The following IL1RAPL1 variants were observed in gnomAD, a reference collection of about 807,000 sequenced individuals.
The protein encoded by IL1RAPL1 is interleukin 1 receptor accessory protein like 1, also known as interleukin-1 receptor accessory protein-like 1.
IL1RAPL1 carries 3 observed loss-of-function variants against 48.4 expected under a neutral mutation model. That is an observed-to-expected ratio of 0.06 (90% CI 0.03 to 0.16). The LOEUF is 0.16. Among genes scored for constraint, IL1RAPL1 ranks in the 10% least tolerant of loss-of-function variants. The probability of loss-of-function intolerance (pLI) is 1.00; values close to 1 mark genes in which losing one functional copy is unlikely to be tolerated. For missense variants in IL1RAPL1, 349 were observed against 530.6 expected, an observed-to-expected ratio of 0.66 and a Z score of 3.36; for synonymous variants, 185 against 187.7, an observed-to-expected ratio of 0.99 and a Z score of 0.12.
chrX:29,088,357 G>A (rs760995908), intron 2 of IL1RAPL1, among the ~76,000 whole-genome samples: 11 of 111,642 alleles, frequency 9.9e-5, no homozygotes, highest in African/African-American at 3.2e-4. Context: ...TGACATTTAA[G>A]TGGTTCTTGT....
At chrX:28,658,550 A>G (rs906131511) in intron 1 of IL1RAPL1, among the ~76,000 whole-genome samples, 1 of 103,483 alleles carries the variant, frequency 9.7e-6, no homozygotes, top group African/African-American at 3.6e-5. Context: ...TTTTTTTTTT[A>G]GTTTAATGTA....
intron 1 of IL1RAPL1, among the ~76,000 whole-genome samples, chrX:28,752,447 G>A (rs767761447): frequency 8.9e-6 from 1 of 112,155 alleles, no homozygotes; most frequent in Admixed American, 9.5e-5. Context: ...TTCAGGTGAC[G>A]ATGCCACTAG....
In IL1RAPL1 at chrX:29,562,091, G is replaced by GTCTA. The variant is rs769814349; in HGVS notation, c.704-106318_704-106315dup. Among the ~76,000 whole-genome samples the GTCTA allele has an allele frequency of 3.8e-4, 33 of 86,358 alleles. 1 individual carries two copies. Among genetic ancestry groups the GTCTA allele is most frequent in the Middle Eastern group, 0.012 (2 of 162 alleles). The allele number at this position is 86,358 out of a possible 115,157, so 75.0% of individuals were successfully genotyped here. A position where few individuals can be genotyped will look rare whatever the true frequency, so the allele number is the denominator to read the frequency against. On this transcript the variant is annotated intron_variant, in intron 5 of 10. Coordinates refer to ENST00000378993, the MANE Select transcript of IL1RAPL1 (RefSeq NM_014271.4). Reference sequence around the variant, plus strand: ...ATCTATCTATCTATCTAATCTATCTGTCTATCTATCTATCTATCTATCTAA... The same window carrying GTCTA: ...ATCTATCTATCTATCTAATCTATCTGTCTATCTATCTATCTATCTATCTATCTAA...
chrX:28,818,463 T>G (rs1049743408), intron 2 of IL1RAPL1, among the ~76,000 whole-genome samples: 1 of 110,859 alleles, frequency 9.0e-6, no homozygotes, highest in Non-Finnish European at 1.9e-5. Flanking sequence ...AACATCTCTG[T>G]AAAATAGTTT....
chrX:29,091,502 GT>G (rs1928091019), intron 2 of IL1RAPL1, among the ~76,000 whole-genome samples: 1 of 111,848 alleles, frequency 8.9e-6, no homozygotes, highest in Non-Finnish European at 1.9e-5. Context: ...GCAATCCAGA[GT>G]TTGATAGAGA....
chrX:29,679,172 C>T (rs781178662), intron 6 of IL1RAPL1, among the ~76,000 whole-genome samples: 4 of 111,718 alleles, frequency 3.6e-5, no homozygotes, highest in Non-Finnish European at 7.5e-5. Flanking sequence ...CTTAACAATA[C>T]GGCAGGTCCT....
intron 1 of IL1RAPL1, among the ~76,000 whole-genome samples, chrX:28,601,178 T>C (rs1163352706): frequency 1.8e-5 from 2 of 111,482 alleles, no homozygotes; most frequent in African/African-American, 3.3e-5. Context: ...CCCAGCACTT[T>C]GGGAGGCTGA....
At chrX:28,896,660 G>A (rs1922926287) in intron 2 of IL1RAPL1, among the ~76,000 whole-genome samples, 1 of 110,559 alleles carries the variant, frequency 9.0e-6, no homozygotes, top group African/African-American at 3.3e-5. Context: ...TTGGGACCTG[G>A]CTCGGCCTGG....
chrX:29,230,529 A>AAAAAAAAC (rs869274263), intron 2 of IL1RAPL1, among the ~76,000 whole-genome samples: 11 of 98,652 alleles, frequency 1.1e-4, no homozygotes, highest in African/African-American at 4.2e-4. Context: ...AAAAAAAAAA[A>AAAAAAAAC]AAAAAACCTT....
intron 2 of IL1RAPL1, among the ~76,000 whole-genome samples, chrX:28,995,912 A>C (rs987933812): frequency 9.1e-6 from 1 of 110,386 alleles, no homozygotes; most frequent in Non-Finnish European, 1.9e-5. Flanking sequence ...GAAAAGGCTC[A>C]TTCTTAAAAA....
rs193027921 is a variant in IL1RAPL1, at chrX:29,386,842, C to T, written c.363-9416C>T. Among the ~76,000 whole-genome samples the T allele has an allele frequency of 3.3e-3, 368 of 111,593 alleles. 2 individuals carry two copies. The highest frequency in any genetic ancestry group is 0.011 in the African/African-American group (344 of 30,785). On this transcript the variant is annotated intron_variant, in intron 3 of 10. Coordinates refer to ENST00000378993, the MANE Select transcript of IL1RAPL1 (RefSeq NM_014271.4). ...AGAGGCATGAGCCACCCTGCCCAGC[C>T]GTGAATGAATTTTAAATGCTCAGTA...
At chrX:28,906,824 C>G (rs1037287721) in intron 2 of IL1RAPL1, among the ~76,000 whole-genome samples, 2 of 111,529 alleles carry the variant, frequency 1.8e-5, no homozygotes, top group African/African-American at 6.5e-5. Context: ...CAGTCTAAGT[C>G]TACAACGTAA....
chrX:29,281,498 AC>A (rs1386570673), intron 2 of IL1RAPL1, among the ~76,000 whole-genome samples: 1 of 108,884 alleles, frequency 9.2e-6, no homozygotes, highest in Non-Finnish European at 1.9e-5. Flanking sequence ...ATCATACCCC[AC>A]CCCCATCCTC....
chrX:29,388,214 T>C (rs1377481910), intron 3 of IL1RAPL1, among the ~76,000 whole-genome samples: 1 of 109,122 alleles, frequency 9.2e-6, no homozygotes, highest in African/African-American at 3.3e-5. Flanking sequence ...TGCCTGGTAC[T>C]GTACTAGGCA....
chrX:28,909,268 A>T (rs1301225677), intron 2 of IL1RAPL1, among the ~76,000 whole-genome samples: 6 of 111,777 alleles, frequency 5.4e-5, no homozygotes, highest in Non-Finnish European at 1.1e-4. Context: ...GGGGAAAGGA[A>T]GTTAAAGTCA....
intron 6 of IL1RAPL1, among the ~76,000 whole-genome samples, chrX:29,723,138 A>G (rs780271767): frequency 1.8e-5 from 2 of 112,688 alleles, no homozygotes; most frequent in African/African-American, 6.4e-5. Context: ...CAGTGTGGGT[A>G]TAAATAGAAT....
chrX:29,294,397 G>T (rs1305995355), intron 3 of IL1RAPL1, among the ~76,000 whole-genome samples: 1 of 108,612 alleles, frequency 9.2e-6, no homozygotes, highest in East Asian at 2.9e-4. Flanking sequence ...GCGTGGTGGT[G>T]GGTGCCTGTA....
intron 2 of IL1RAPL1, among the ~76,000 whole-genome samples, chrX:28,797,640 A>G (rs1260154036): frequency 8.9e-6 from 1 of 111,738 alleles, no homozygotes; most frequent in Non-Finnish European, 1.9e-5. Context: ...TATTGTTCAT[A>G]TCACTGTCAG....
intron 2 of IL1RAPL1, among the ~76,000 whole-genome samples, chrX:28,862,540 A>G (rs935202253): frequency 9.0e-6 from 1 of 111,671 alleles, no homozygotes; most frequent in African/African-American, 3.3e-5. Flanking sequence ...ATAGAGGCTC[A>G]ACTTCAGGCC....
Sources: allele counts gnomAD v4.1 joint callset (sites outside exome capture counted in the v4.1 genomes callset), GRCh38; gene constraint gnomAD v4.1.1; transcripts MANE v1.5; gene names NCBI Gene and HGNC (gene_info 2026-07-23, HGNC 2026-07-21).